Variants in VWF observed in about 807,000 individuals in gnomAD.
VWF encodes the protein von Willebrand factor, also known as Factor VIII related antigen.
In VWF, 176 loss-of-function variants were observed where a neutral mutation model predicts 308.6. The observed-to-expected ratio is 0.57, with a 90% confidence interval of 0.50 to 0.65. The LOEUF (loss-of-function observed/expected upper bound fraction) is 0.65. Among genes scored for constraint, VWF ranks in the 30% least tolerant of loss-of-function variants. The pLI, the probability that VWF is intolerant of heterozygous loss-of-function variation, is 0.00. For synonymous variants in VWF, 1,385 were observed against 1,443.4 expected (o/e 0.96, Z 0.92); for missense variants, 3,146 against 3,648.2 (o/e 0.86, Z 3.55).
chr12:6,120,736 A>G lies in VWF; in HGVS notation c.220+438T>C, dbSNP rs115586111. ...TGTTGTGGGGATGCAGGGACATGGC[A>G]GGGACAGTACCAGCCCTTCTGCAGG... is the stretch of plus-strand genomic sequence containing the variant. On this transcript the variant is annotated intron_variant, in intron 3 of 51. Coordinates refer to ENST00000261405, the MANE Select transcript of VWF (RefSeq NM_000552.5). 4.0e-3 allele frequency among the ~76,000 whole-genome samples: 608 copies of G among 152,290 alleles called. 1 individual carries two copies. The highest frequency in any genetic ancestry group is 0.014 in the African/African-American group (585 of 41,570).
chr12:6,045,227 C>T (rs555855966), intron 17 of VWF, among the ~76,000 whole-genome samples: 102 of 152,354 alleles, frequency 6.7e-4, no homozygotes, highest in African/African-American at 2.4e-3. Flanking sequence ...CAGCACCTTT[C>T]TTTCCAAAGC....
chr12:5,981,759 G>A (rs895638995), intron 42 of VWF, 27 bp downstream of exon 42: 1 of 1,595,188 alleles, frequency 6.3e-7, no homozygotes, highest in Non-Finnish European at 8.6e-7. Context: ...ACTATTAACT[G>A]ATAGTTAATA....
Position 5,981,789 on chromosome 12 carries a change from G to T in VWF, c.7284C>A (p.Asp2428Glu), listed in dbSNP as rs764400779. The T allele has an allele frequency of 6.2e-7, 1 of 1,614,074 alleles. No individual in the cohort carries two copies. Among genetic ancestry groups the T allele is most frequent in the East Asian group, 2.2e-5 (1 of 44,886 alleles). The change falls in exon 42 of 52, where the codon GAC becomes GAA. Residue 2428 changes from aspartate to glutamate, a missense_variant. Physicochemically the swap from Asp to Glu is conservative, Grantham distance 45. This residue lies in a region of VWF where 989 missense variants were observed against 1,117.4 expected (regional missense o/e 0.89). Transcript: ENST00000261405. ...CGCTTTTCLPDKVCVHRSTIY... is the reference protein window; with the variant it reads ...CGCTTTTCLPEKVCVHRSTIY... ...TTAATAGCCAAGCAGTCCTTACCTTGTCGGGAAGGCAGGTGGTTGTGGTAC... is the reference window on the plus strand; with the variant it reads ...TTAATAGCCAAGCAGTCCTTACCTTTTCGGGAAGGCAGGTGGTTGTGGTAC...
intron 13 of VWF, among the ~76,000 whole-genome samples, chr12:6,061,303 A>AGTTCTG (rs1318217722): frequency 2.0e-5 from 3 of 151,892 alleles, no homozygotes; most frequent in Non-Finnish European, 4.4e-5. Flanking sequence ...AGGAGACCCG[A>AGTTCTG]GTTCTGGTCC....
At chr12:5,972,044 C>T (rs60723559) in intron 43 of VWF, among the ~76,000 whole-genome samples, 23,280 of 152,104 alleles carry the variant, frequency 0.15, 2,991 homozygotes, top group African/African-American at 0.35. Context: ...ATGGCCAACT[C>T]TAGGGACCCT....
At chr12:6,009,328 T>C (rs902958068) in intron 34 of VWF, among the ~76,000 whole-genome samples, 1 of 150,288 alleles carries the variant, frequency 6.7e-6, no homozygotes, top group Admixed American at 6.6e-5. Context: ...AAAAACTCAA[T>C]TATATGAAAA....
intron 47 of VWF, among the ~76,000 whole-genome samples, chr12:5,959,166 C>A (rs1943282949): frequency 1.3e-5 from 2 of 152,054 alleles, no homozygotes; most frequent in African/African-American, 4.8e-5. Flanking sequence ...ATGATTGTGC[C>A]ACTTCACTCC....
Position 6,011,697 on chromosome 12 carries a change from C to A in VWF, c.5762G>T (p.Arg1921Leu). ...GTTAGGGCACGAAGGCCTCAGCCCC[C>A]GGTCACAGTTGACCCGATGACTCTT... is the stretch of plus-strand genomic sequence containing the variant. The part of the protein sequence containing the change: ...LLKSHRVNCD[R>L]GLRPSCPNSQ... The change falls in exon 34 of 52, where the codon CGG becomes CTG. Residue 1921 changes from arginine (R) to leucine (L), a missense_variant. Arg to Leu is a moderately radical substitution (Grantham distance 102, BLOSUM62 -2). This residue lies in a region of VWF where 853 missense variants were observed against 1,177.8 expected (regional missense o/e 0.72). Coordinates refer to ENST00000261405, the MANE Select transcript of VWF (RefSeq NM_000552.5). The A allele has an allele frequency of 6.2e-7, 1 of 1,613,880 alleles. No homozygotes were observed. Among genetic ancestry groups the A allele is most frequent in the Non-Finnish European group, 8.5e-7 (1 of 1,179,848 alleles).
At chr12:6,114,325 T>C (rs1945341835) in intron 3 of VWF, among the ~76,000 whole-genome samples, 1 of 152,082 alleles carries the variant, frequency 6.6e-6, no homozygotes, top group Non-Finnish European at 1.5e-5. Context: ...CTTCCAAAGA[T>C]GCAAAATCAC....
rs545936346 is a variant in VWF, at chr12:6,049,945, G to A, written c.2186+2598C>T. ...CCCTCTGAACATTCCCCCAAGTTCT[G>A]ACTCAGTCCTCTTTTCTGCCCTCTG... On this transcript the variant is annotated intron_variant, in intron 16 of 51. Coordinates refer to ENST00000261405, the MANE Select transcript of VWF (RefSeq NM_000552.5). Among the ~76,000 whole-genome samples, 33 of 152,112 alleles carry A rather than the reference G, an allele frequency of 2.2e-4. No individual in the cohort carries two copies. The South Asian group carries it at 6.4e-3, about 30-fold the overall frequency.
chr12:6,123,032 T>C, intron 2 of VWF, 110 bp downstream of exon 2: 3 of 1,414,422 alleles, frequency 2.1e-6, no homozygotes, highest in Non-Finnish European at 2.0e-6. Context: ...CAGCCTAAGT[T>C]AGGGCTGGGC....
intron 44 of VWF, 52 bp from the exon 45 acceptor site, chr12:5,969,443 G>A: frequency 1.9e-6 from 3 of 1,607,214 alleles, no homozygotes; most frequent in South Asian, 1.1e-5. Context: ...TGGAGCCCAG[G>A]GTCCCATTGG....
chr12:6,013,137 T>C (rs1242702085), intron 32 of VWF, among the ~76,000 whole-genome samples: 1 of 152,238 alleles, frequency 6.6e-6, no homozygotes, highest in Non-Finnish European at 1.5e-5. Context: ...GGAAGAAGAC[T>C]ATACCTACGG....
intron 15 of VWF, 71 bp downstream of exon 15, chr12:6,056,786 G>A: frequency 4.0e-6 from 5 of 1,246,266 alleles, no homozygotes; most frequent in Non-Finnish European, 5.1e-6. Flanking sequence ...CGCAGAGAAA[G>A]GGCTTCGAAA....
In VWF at chr12:6,110,886, G is replaced by A. The variant is rs745627685; in HGVS notation, c.303C>T (p.Thr101=). 64 of 1,613,860 alleles carry A rather than the reference G, an allele frequency of 4.0e-5. No individual in the cohort carries two copies. The highest frequency in any genetic ancestry group is 3.2e-4 in the Admixed American group (19 of 59,990). Residue 101 remains threonine, a synonymous_variant, in exon 4 of 52, where the codon ACC becomes ACT. Coordinates refer to ENST00000261405, the MANE Select transcript of VWF (RefSeq NM_000552.5). ...FFDIHLFVNG[T]VTQGDQRVSM... ...CTTACCTTTGGTCCCCCTGTGTCAC[G>A]GTACCATTGACAAACAAATGGATGT... is the stretch of plus-strand genomic sequence containing the variant.
At chr12:6,094,488 G>C (rs1046785426) in intron 6 of VWF, among the ~76,000 whole-genome samples, 1 of 152,150 alleles carries the variant, frequency 6.6e-6, no homozygotes, top group African/African-American at 2.4e-5. Flanking sequence ...AGATATTTGG[G>C]GACAAAAGAG....
intron 6 of VWF, among the ~76,000 whole-genome samples, chr12:6,081,339 G>T (rs7133854): frequency 0.56 from 83,748 of 150,742 alleles, 23,483 homozygotes; most frequent in African/African-American, 0.6. Context: ...GGTGTTTTTT[G>T]TTTTGTTTTG....
rs374693235 is a variant in VWF, at chr12:6,108,334, T to TATACACACACACACACAC, written c.532+2039_532+2040insGTGTGTGTGTGTGTGTAT. ...AGAAAGAAAGAAAGAAAGAAATATATACACACACACACACACACACACACA... is the reference window on the plus strand; with the variant it reads ...AGAAAGAAAGAAAGAAAGAAATATATATACACACACACACACACACACACACACACACACACACACACA... On this transcript the variant is annotated intron_variant, in intron 5 of 51. Transcript: ENST00000261405. Among the ~76,000 whole-genome samples, 511 of 124,158 alleles carry TATACACACACACACACAC rather than the reference T, an allele frequency of 4.1e-3. 2 individuals carry two copies. The highest frequency in any genetic ancestry group is 8.8e-3 in the Middle Eastern group (2 of 226). 81.5% of individuals were successfully genotyped at this position (124,158 alleles called of 152,430 possible). A position where few individuals can be genotyped will look rare whatever the true frequency, so the allele number is the denominator to read the frequency against.
Position 6,095,485 on chromosome 12 carries a change from T to C in VWF, c.632A>G (p.Asn211Ser), listed in dbSNP as rs753796586. 3.1e-6 allele frequency: 5 copies of C among 1,613,972 alleles called. No homozygotes were observed. In the African/African-American group the frequency reaches 4.0e-5, roughly 13 times the overall value. Residue 211 changes from asparagine to serine, a missense_variant, in exon 6 of 52, where the codon AAC (asparagine) becomes AGC (serine). Physicochemically the swap from Asn to Ser is conservative, Grantham distance 46. Coordinates refer to ENST00000261405, the MANE Select transcript of VWF (RefSeq NM_000552.5). ...CTTCTGCATTTCCCCAGAGGAGATG[T>C]TGCATGAGCTGCTGGGAGGAGATGC... ...ERASPPSSSC[N>S]ISSGEMQKGL...
Sources: gnomAD v4.1 joint callset for allele counts (sites outside exome capture counted in the v4.1 genomes callset) on GRCh38, gnomAD v4.1.1 for gene constraint, gnomAD v4.1.1 regional missense constraint, MANE v1.5 for transcripts, NCBI Gene and HGNC (gene_info 2026-07-23, HGNC 2026-07-21) for gene names.